Variants in HNF4G observed in about 807,000 individuals in gnomAD.
HNF4G encodes hepatocyte nuclear factor 4-gamma.
HNF4G carries 21 observed loss-of-function variants against 50.9 expected under a neutral mutation model. That is an observed-to-expected ratio of 0.41 (90% CI 0.29 to 0.59). The LOEUF is 0.59. Among genes scored for constraint, HNF4G ranks in the 20% least tolerant of loss-of-function variants. HNF4G has a pLI of 0.26. For synonymous variants in HNF4G, 198 were observed against 185.6 expected, an observed-to-expected ratio of 1.07 and a Z score of -0.54; for missense variants, 527 against 559.4, an observed-to-expected ratio of 0.94 and a Z score of 0.58.
chr8:75,508,367 C>CT (rs1474277864), intron 2 of HNF4G, among the ~76,000 whole-genome samples: 1 of 142,430 alleles, frequency 7.0e-6, no homozygotes, highest in Non-Finnish European at 1.5e-5. Context: ...AAAGCATTTA[C>CT]TTAAAAAAAA....
intron 1 of HNF4G, among the ~76,000 whole-genome samples, chr8:75,470,503 T>G: frequency 6.6e-6 from 1 of 152,278 alleles, no homozygotes; most frequent in Non-Finnish European, 1.5e-5. Flanking sequence ...CATTTTTCAT[T>G]TTACACCTTA....
At chr8:75,445,754 C>T (rs1468875879) in intron 1 of HNF4G, among the ~76,000 whole-genome samples, 3 of 144,060 alleles carry the variant, frequency 2.1e-5, no homozygotes, top group East Asian at 2.1e-4. Context: ...TCTGAATAGA[C>T]CAATAACAGG....
At chr8:75,521,350 A>G (rs1332293261) in intron 2 of HNF4G, among the ~76,000 whole-genome samples, 1 of 152,220 alleles carries the variant, frequency 6.6e-6, no homozygotes, top group East Asian at 1.9e-4. Context: ...TTACAGTGCG[A>G]CACAAGCAAA....
intron 2 of HNF4G, among the ~76,000 whole-genome samples, chr8:75,520,053 A>G (rs1453300776): frequency 6.6e-6 from 1 of 151,236 alleles, no homozygotes; most frequent in African/African-American, 2.4e-5. Flanking sequence ...TCATGATTTC[A>G]TTTTACTTCT....
chr8:75,503,913 A>T (rs1420968218), intron 2 of HNF4G, among the ~76,000 whole-genome samples: 1 of 152,196 alleles, frequency 6.6e-6, no homozygotes, highest in African/African-American at 2.4e-5. Context: ...ATTGTGGGTT[A>T]TGTTTAGAAT....
intron 1 of HNF4G, among the ~76,000 whole-genome samples, chr8:75,447,004 A>T (rs1295300121): frequency 2.0e-5 from 3 of 146,574 alleles, no homozygotes; most frequent in East Asian, 4.1e-4. Flanking sequence ...ACAAAGCTGG[A>T]GGCATCACAC....
At chr8:75,516,047 A>G (rs1358501439) in intron 2 of HNF4G, among the ~76,000 whole-genome samples, 1 of 152,246 alleles carries the variant, frequency 6.6e-6, no homozygotes, top group African/African-American at 2.4e-5. Context: ...TACAGGCGCA[A>G]GCTACTGCGC....
At chr8:75,504,580 C>G (rs1035573674) in intron 2 of HNF4G, among the ~76,000 whole-genome samples, 1 of 152,030 alleles carries the variant, frequency 6.6e-6, no homozygotes, top group African/African-American at 2.4e-5. Flanking sequence ...TAATTATCTG[C>G]AACACATAAT....
chr8:75,506,311 C>T (rs1813078678), intron 2 of HNF4G, among the ~76,000 whole-genome samples: 1 of 151,602 alleles, frequency 6.6e-6, no homozygotes, highest in African/African-American at 2.4e-5. Context: ...AGAATAAGAC[C>T]TATCATAAAA....
intron 2 of HNF4G, among the ~76,000 whole-genome samples, chr8:75,508,677 A>G (rs1291283749): frequency 6.6e-6 from 1 of 152,190 alleles, no homozygotes; most frequent in African/African-American, 2.4e-5. Context: ...TTAGGGGAAG[A>G]ACAGATTGTA....
intron 1 of HNF4G, among the ~76,000 whole-genome samples, chr8:75,430,006 C>T (rs1485466963): frequency 2.0e-5 from 3 of 151,938 alleles, no homozygotes. Context: ...AAAAAATTAG[C>T]CAGGCATGGT....
chr8:75,454,086 C>CCTCCCTCTCTTCCTTTCTCCCTCT (rs1563513231), intron 1 of HNF4G, among the ~76,000 whole-genome samples: 1 of 148,194 alleles, frequency 6.7e-6, no homozygotes, highest in Non-Finnish European at 1.5e-5. Flanking sequence ...TCCCTCCCTC[C>CCTCCCTCTCTTCCTTTCTCCCTCT]CTCCCTCTCT....
intron 2 of HNF4G, among the ~76,000 whole-genome samples, chr8:75,533,406 A>G (rs1484696697): frequency 6.6e-6 from 1 of 151,950 alleles, no homozygotes; most frequent in Non-Finnish European, 1.5e-5. Flanking sequence ...GGGTTCTTCA[A>G]AAGTTCTCCA....
chr8:75,451,851 C>A (rs1020237486), intron 1 of HNF4G, among the ~76,000 whole-genome samples: 1 of 152,158 alleles, frequency 6.6e-6, no homozygotes, highest in African/African-American at 2.4e-5. Flanking sequence ...ATGGCTTTTG[C>A]TCTAGGGCCT....
intron 1 of HNF4G, among the ~76,000 whole-genome samples, chr8:75,426,672 TA>T (rs1184896482): frequency 1.3e-5 from 2 of 151,258 alleles, no homozygotes; most frequent in Non-Finnish European, 3.0e-5. Flanking sequence ...TATTGGAGGA[TA>T]AAAGGTTGTT....
chr8:75,428,558 A>G (rs540029996), intron 1 of HNF4G, among the ~76,000 whole-genome samples: 2 of 152,326 alleles, frequency 1.3e-5, no homozygotes, highest in African/African-American at 2.4e-5. Context: ...GAAAGCGCAG[A>G]AAGAGCTTCA....
At chr8:75,530,952 C>G (rs1310513297) in intron 2 of HNF4G, among the ~76,000 whole-genome samples, 1 of 151,920 alleles carries the variant, frequency 6.6e-6, no homozygotes, top group African/African-American at 2.4e-5. Flanking sequence ...ACCACCACAC[C>G]CAGCTAATTT....
At chr8:75,421,952 C>T (rs976102883) in intron 1 of HNF4G, among the ~76,000 whole-genome samples, 3 of 151,612 alleles carry the variant, frequency 2.0e-5, no homozygotes, top group South Asian at 2.1e-4. Flanking sequence ...TGTGTGTGTG[C>T]GCGTCAGGTG....
chr8:75,556,634 G>T (rs75786779), intron 6 of HNF4G, among the ~76,000 whole-genome samples: 2,323 of 152,190 alleles, frequency 0.015, 26 homozygotes, highest in Middle Eastern at 0.075. Flanking sequence ...AAAGACATTT[G>T]TCTTCATTAA....
Sources: gnomAD v4.1 joint callset for allele counts (sites outside exome capture counted in the v4.1 genomes callset) on GRCh38, gnomAD v4.1.1 for gene constraint, MANE v1.5 for transcripts, NCBI Gene and HGNC (gene_info 2026-07-23, HGNC 2026-07-21) for gene names.